The following RABGAP1L variants were observed in gnomAD, a reference collection of about 807,000 sequenced individuals.
RABGAP1L encodes RAB GTPase activating protein 1 like.
A neutral mutation model predicts 137.7 loss-of-function variants in RABGAP1L; 63 were observed. The observed-to-expected ratio is 0.46, with a 90% CI of 0.37 to 0.56. RABGAP1L has a LOEUF of 0.56. RABGAP1L is among the 20% of genes least tolerant of loss of function. The pLI is 0.00. For synonymous variants in RABGAP1L, 431 were observed against 433.7 expected (o/e 0.99, Z 0.08); for missense variants, 1,095 against 1,244.0 (o/e 0.88, Z 1.80).
At chr1:174,361,225 GTT>G (rs376884093) in intron 11 of RABGAP1L, among the ~76,000 whole-genome samples, 29,771 of 133,116 alleles carry the variant, frequency 0.22, 3,289 homozygotes, top group Admixed American at 0.26. Context: ...CTCCAGTTTT[GTT>G]TTTTTTTTTT....
chr1:174,455,009 T>G (rs1655888165), intron 13 of RABGAP1L, among the ~76,000 whole-genome samples: 1 of 152,192 alleles, frequency 6.6e-6, no homozygotes, highest in Non-Finnish European at 1.5e-5. Flanking sequence ...ATATTTATAA[T>G]TTTTTAATGG....
At chr1:174,629,482 G>A (rs1450950808) in intron 13 of RABGAP1L, among the ~76,000 whole-genome samples, 1 of 152,148 alleles carries the variant, frequency 6.6e-6, no homozygotes, top group Admixed American at 6.5e-5. Flanking sequence ...AAAACTCTAG[G>A]AACACATATG....
intron 1 of RABGAP1L, among the ~76,000 whole-genome samples, chr1:174,205,580 C>CT (rs1668452861): frequency 6.6e-6 from 1 of 151,916 alleles, no homozygotes; most frequent in South Asian, 2.1e-4. Context: ...ATAGAGGTGT[C>CT]TGTAGTAGTT....
chr1:174,827,795 A>G (rs1481384338), intron 19 of RABGAP1L, among the ~76,000 whole-genome samples: 1 of 147,890 alleles, frequency 6.8e-6, no homozygotes, highest in East Asian at 2.1e-4. Flanking sequence ...ACCCTGTTCT[A>G]GTATGGTCTT....
At chr1:174,519,010 T>G (rs1274694744) in intron 13 of RABGAP1L, among the ~76,000 whole-genome samples, 1 of 151,960 alleles carries the variant, frequency 6.6e-6, no homozygotes, top group Non-Finnish European at 1.5e-5. Flanking sequence ...AATTTTTTCA[T>G]CATTGCTGTT....
At chr1:174,251,283 TTTATG>T (rs772174669) in intron 6 of RABGAP1L, among the ~76,000 whole-genome samples, 9 of 152,118 alleles carry the variant, frequency 5.9e-5, no homozygotes, top group African/African-American at 9.7e-5. Context: ...TTTTTTTTTC[TTTATG>T]TTAAGTGTTC....
intron 14 of RABGAP1L, among the ~76,000 whole-genome samples, chr1:174,676,223 A>G (rs774808615): frequency 6.6e-6 from 1 of 152,312 alleles, no homozygotes; most frequent in East Asian, 1.9e-4. Flanking sequence ...TGTTGAGACT[A>G]CATATATTAT....
chr1:174,277,904 T>C lies in RABGAP1L; in HGVS notation c.1157-709T>C, dbSNP rs534693754. On this transcript the variant is annotated intron_variant, in intron 9 of 25. Transcript: ENST00000681986. ...TAGTAAGAATGTAATAAAATTGTTA[T>C]TGAATTTGAGAAGTAGTTGATGAAT... 8.5e-5 allele frequency among the ~76,000 whole-genome samples: 13 copies of C among 152,302 alleles called. No individual in the cohort carries two copies. The South Asian group carries it at 2.3e-3, about 27-fold the overall frequency.
intron 1 of RABGAP1L, among the ~76,000 whole-genome samples, chr1:174,195,633 C>T (rs1667541259): frequency 1.2e-5 from 1 of 83,306 alleles, no homozygotes; most frequent in Non-Finnish European, 2.3e-5. Context: ...TCCTTCCTTC[C>T]TTCCTTCCTT....
intron 19 of RABGAP1L, among the ~76,000 whole-genome samples, chr1:174,946,934 ATATATATGTGTGTGTGTG>A (rs1340197054): frequency 1.4e-5 from 1 of 69,808 alleles, no homozygotes; most frequent in African/African-American, 6.4e-5. Context: ...ATATATATAT[ATATATATGTGTGTGTGTG>A]TGTGTGTGTG....
At chr1:174,789,452 AT>A (rs371634394) in intron 18 of RABGAP1L, among the ~76,000 whole-genome samples, 3,573 of 151,474 alleles carry the variant, frequency 0.024, 60 homozygotes, top group Middle Eastern at 0.085. Context: ...TACTGCTACG[AT>A]TTTTTTTTAC....
chr1:174,365,717 G>A (rs2148980652), intron 11 of RABGAP1L, among the ~76,000 whole-genome samples: 1 of 152,310 alleles, frequency 6.6e-6, no homozygotes, highest in South Asian at 2.1e-4. Context: ...AGGGATGTGG[G>A]TGGGGTGGTA....
intron 19 of RABGAP1L, among the ~76,000 whole-genome samples, chr1:174,924,385 CAAAAAAAAAA>C (rs10688718): frequency 1.4e-5 from 1 of 70,130 alleles, no homozygotes; most frequent in African/African-American, 6.1e-5. Context: ...GACTCTGTCT[CAAAAAAAAAA>C]AAAAAAAAAA....
chr1:174,507,111 G>A (rs1661892015), intron 13 of RABGAP1L, among the ~76,000 whole-genome samples: 1 of 152,118 alleles, frequency 6.6e-6, no homozygotes, highest in African/African-American at 2.4e-5. Flanking sequence ...AAGGAACAAT[G>A]TTTGAAAATA....
At chr1:174,704,573 G>T (rs1055044235) in intron 17 of RABGAP1L, among the ~76,000 whole-genome samples, 2 of 152,146 alleles carry the variant, frequency 1.3e-5, no homozygotes. Context: ...GACTTGCCAG[G>T]CTTGCAGAAT....
chr1:174,643,939 G>GTGTGTGTA (rs1038932862), intron 14 of RABGAP1L, among the ~76,000 whole-genome samples: 46 of 150,174 alleles, frequency 3.1e-4, no homozygotes, highest in Non-Finnish European at 6.2e-4. Flanking sequence ...GTGTGTGTGT[G>GTGTGTGTA]TGTATGTATG....
chr1:174,355,905 A>C (rs536186495), intron 11 of RABGAP1L, among the ~76,000 whole-genome samples: 6 of 152,324 alleles, frequency 3.9e-5, no homozygotes, highest in African/African-American at 7.2e-5. Context: ...TGCTTTTGAC[A>C]GTGGGAAATG....
intron 15 of RABGAP1L, among the ~76,000 whole-genome samples, chr1:174,686,617 G>T (rs186695130): frequency 6.6e-6 from 1 of 151,130 alleles, no homozygotes; most frequent in Non-Finnish European, 1.5e-5. Flanking sequence ...TCAAGACATG[G>T]GTGGTGAAGC....
rs555367531 is a variant in RABGAP1L, at chr1:174,499,375, T to TCCTAAA, written c.1710+105230_1710+105231insCCTAAA. 1.3e-3 allele frequency among the ~76,000 whole-genome samples: 200 copies of TCCTAAA among 152,338 alleles called. 1 individual carries two copies. Among genetic ancestry groups the TCCTAAA allele is most frequent in the African/African-American group, 4.5e-3 (186 of 41,590 alleles). ...ATACCGTTCATATGACTTAGAACATTTAGGAAAACTACAGGTATATTTTGG... is the reference window on the plus strand; with the variant it reads ...ATACCGTTCATATGACTTAGAACATTCCTAAATAGGAAAACTACAGGTATATTTTGG... On this transcript the variant is annotated intron_variant, in intron 13 of 25. Coordinates refer to ENST00000681986, the MANE Select transcript of RABGAP1L (RefSeq NM_001366446.1).
Sources: gnomAD v4.1 joint callset for allele counts (sites outside exome capture counted in the v4.1 genomes callset) on GRCh38, gnomAD v4.1.1 for gene constraint, MANE v1.5 for transcripts, NCBI Gene and HGNC (gene_info 2026-07-23, HGNC 2026-07-21) for gene names.